Variants in ITGAV observed in about 807,000 individuals in gnomAD.
ITGAV encodes integrin alpha-V.
A neutral mutation model predicts 143.8 loss-of-function variants in ITGAV; 76 were observed. The ratio of observed to expected loss-of-function variants is 0.53; its 90% confidence interval spans 0.44 to 0.64. The LOEUF (loss-of-function observed/expected upper bound fraction) is 0.64, where lower values mean the gene tolerates loss of function less well. Ranked by LOEUF, ITGAV falls within the 30% of genes least tolerant of loss-of-function variation. ITGAV has a pLI of 0.00. For synonymous variants in ITGAV, 453 were observed against 446.7 expected (o/e 1.01, Z -0.18); for missense variants, 1,193 against 1,274.7 (o/e 0.94, Z 0.98).
intron 15 of ITGAV, 69 bp from the exon 16 acceptor site, chr2:186,654,581 T>A: frequency 1.4e-6 from 1 of 725,724 alleles, no homozygotes; most frequent in Non-Finnish European, 2.4e-6. Context: ...AAAGATGAGA[T>A]GTGGGTGATA....
intron 13 of ITGAV, among the ~76,000 whole-genome samples, chr2:186,649,206 A>G (rs563744557): frequency 6.7e-5 from 10 of 149,894 alleles, no homozygotes; most frequent in Non-Finnish European, 1.3e-4. Context: ...TGTATTTTCT[A>G]GTTTGTCAGA....
intron 2 of ITGAV, among the ~76,000 whole-genome samples, chr2:186,607,213 A>G (rs1687092309): frequency 6.6e-6 from 1 of 152,142 alleles, no homozygotes; most frequent in Non-Finnish European, 1.5e-5. Flanking sequence ...CCCAGAACAG[A>G]TTTTAGTGCT....
intron 15 of ITGAV, among the ~76,000 whole-genome samples, chr2:186,653,095 A>G (rs1349182686): frequency 7.9e-5 from 12 of 151,832 alleles, no homozygotes; most frequent in African/African-American, 1.7e-4. Context: ...ACAGGCGCCC[A>G]CCAACACGCC....
intron 4 of ITGAV, among the ~76,000 whole-genome samples, chr2:186,628,271 G>C (rs1268038756): frequency 6.6e-6 from 1 of 152,058 alleles, no homozygotes; most frequent in African/African-American, 2.4e-5. Context: ...AACTTTGCTT[G>C]TCTTGTGGGT....
rs765504880 is a variant in ITGAV at position 186,676,870 on chromosome 2, G to A, written c.2986G>A (p.Val996Met). Residue 996 changes from valine to methionine, a missense_variant, in exon 29 of 30, where the codon GTG (valine) becomes ATG (methionine). Transcript: ENST00000261023. The part of the protein sequence containing the change: ...QPAPMPVPVW[V>M]IILAVLAGLL... ...AGCGCCCATGCCTGTGCCTGTGTGG[G>A]TGATCATTTTAGCAGTTCTAGCAGG... 6.2e-7 allele frequency: 1 copy of A among 1,614,012 alleles called. No homozygotes were observed. The highest frequency in any genetic ancestry group is 1.3e-5 in the African/African-American group (1 of 74,914).
At chr2:186,608,147 T>C (rs966559251) in intron 2 of ITGAV, among the ~76,000 whole-genome samples, 2 of 152,182 alleles carry the variant, frequency 1.3e-5, no homozygotes, top group Non-Finnish European at 2.9e-5. Flanking sequence ...GGAAAGTTCA[T>C]GTAAGGATTC....
chr2:186,640,534 T>A (rs1688073099), intron 10 of ITGAV, among the ~76,000 whole-genome samples: 1 of 152,236 alleles, frequency 6.6e-6, no homozygotes, highest in African/African-American at 2.4e-5. Flanking sequence ...AACATTTGTC[T>A]GTGACTATAT....
rs1689005607 is a variant in ITGAV, at chr2:186,669,557, A to T, written c.2593-144A>T. 7 of 609,774 alleles carry T rather than the reference A, an allele frequency of 1.1e-5. No homozygotes were observed. The South Asian group carries it at 1.5e-4, about 13-fold the overall frequency. The allele number at this position is 609,774 out of a possible 1,614,324, so 37.8% of individuals were successfully genotyped here. Reference sequence around the variant, plus strand: ...TCTTTATTTTCTGTCCTTACTGCTCACTATATACTGAGTGGTAAATATTCT... The same window carrying T: ...TCTTTATTTTCTGTCCTTACTGCTCTCTATATACTGAGTGGTAAATATTCT... On this transcript the variant is annotated intron_variant, in intron 25 of 29. Transcript: ENST00000261023.
At chr2:186,668,335 C>T (rs1688972145) in intron 24 of ITGAV, among the ~76,000 whole-genome samples, 1 of 144,930 alleles carries the variant, frequency 6.9e-6, no homozygotes, top group Non-Finnish European at 1.5e-5. Flanking sequence ...AAGCGATTCT[C>T]CTGCCTCAGC....
chr2:186,665,281 G>T, intron 21 of ITGAV, 63 bp downstream of exon 21: 1 of 1,032,402 alleles, frequency 9.7e-7, no homozygotes, highest in Non-Finnish European at 1.5e-6. Context: ...TTGTTGTCTG[G>T]GCTCATAGTA....
At chr2:186,642,850 T>C (rs999709646) in intron 12 of ITGAV, among the ~76,000 whole-genome samples, 1 of 152,090 alleles carries the variant, frequency 6.6e-6, no homozygotes, top group East Asian at 1.9e-4. Flanking sequence ...GTTTCAGTGG[T>C]AGGGAACATC....
chr2:186,601,578 T>A (rs1574460164), intron 1 of ITGAV, among the ~76,000 whole-genome samples: 1 of 148,748 alleles, frequency 6.7e-6, no homozygotes, highest in Non-Finnish European at 1.5e-5. Flanking sequence ...CTTAGAATAT[T>A]TTTTTTTTTG....
At chr2:186,649,324 G>T (rs981565096) in intron 13 of ITGAV, among the ~76,000 whole-genome samples, 1 of 150,448 alleles carries the variant, frequency 6.6e-6, no homozygotes, top group Non-Finnish European at 1.5e-5. Context: ...ATTTAGCTTG[G>T]GTATACTGTG....
chr2:186,625,004 A>C (rs1226041702), intron 3 of ITGAV, among the ~76,000 whole-genome samples: 1 of 152,166 alleles, frequency 6.6e-6, no homozygotes, highest in East Asian at 1.9e-4. Flanking sequence ...TGAGAAAAAG[A>C]CTTCACTTAA....
chr2:186,592,274 C>CA (rs922533298), intron 1 of ITGAV, among the ~76,000 whole-genome samples: 15 of 152,080 alleles, frequency 9.9e-5, no homozygotes, highest in African/African-American at 2.7e-4. Context: ...CCTGTCACTA[C>CA]AAAAAAATAC....
intron 26 of ITGAV, 70 bp from the exon 27 acceptor site, chr2:186,675,534 G>A (rs1689183022): frequency 8.6e-7 from 1 of 1,159,752 alleles, no homozygotes. Flanking sequence ...GAAAAAAAAT[G>A]GCAAATTTTC....
At chr2:186,676,005 G>A (rs3213964) in intron 28 of ITGAV, 78 bp downstream of exon 28, 397,166 of 797,992 alleles carry the variant, frequency 0.5, 100,805 homozygotes, top group Middle Eastern at 0.57. Flanking sequence ...GTTTTTTAAA[G>A]AACGACAGCT....
chr2:186,648,622 G>A (rs1393915317), intron 13 of ITGAV, among the ~76,000 whole-genome samples: 4 of 151,872 alleles, frequency 2.6e-5, no homozygotes, highest in South Asian at 4.2e-4. Context: ...GCACCACCAC[G>A]CACAGCTAAT....
rs373532184 is a variant in ITGAV, at chr2:186,656,283, A to G, written c.1601A>G (p.Gln534Arg). 4 of 1,585,106 alleles carry G rather than the reference A, an allele frequency of 2.5e-6. No homozygotes were observed. In the African/African-American group the frequency reaches 4.1e-5, roughly 16 times the overall value. The part of the protein sequence containing the change: ...QVELLLDKLK[Q>R]KGAIRRALFL... ...GAACTTCTTTTGGATAAACTCAAGC[A>G]AAAGGGAGCAATTCGACGAGCACTG... is the stretch of plus-strand genomic sequence containing the variant. The change falls in exon 17 of 30, where the codon CAA (glutamine) becomes CGA (arginine). Residue 534 changes from glutamine (Q) to arginine (R), a missense_variant. By Grantham distance (43) the Gln-to-Arg change is conservative (BLOSUM62 1). Transcript: ENST00000261023.
Sources: allele counts gnomAD v4.1 joint callset (sites outside exome capture counted in the v4.1 genomes callset), GRCh38; gene constraint gnomAD v4.1.1; transcripts MANE v1.5; gene names NCBI Gene and HGNC (gene_info 2026-07-23, HGNC 2026-07-21).